The following HTR1F variants were observed in gnomAD, a reference collection of about 807,000 sequenced individuals.
HTR1F encodes 5-hydroxytryptamine (serotonin) receptor 1F, G protein-coupled.
Under a neutral mutation model 24.0 loss-of-function variants are expected in HTR1F, and 17 were observed. The observed-to-expected ratio is 0.71, with a 90% CI of 0.48 to 1.06. The LOEUF (loss-of-function observed/expected upper bound fraction) is 1.06. Ranked by LOEUF, HTR1F falls within the 50% of genes least tolerant of loss-of-function variation. The pLI, the probability that HTR1F is intolerant of heterozygous loss-of-function variation, is 0.00. For synonymous variants in HTR1F, 186 were observed against 156.8 expected, an observed-to-expected ratio of 1.19 and a Z score of -1.39; for missense variants, 391 against 427.8, an observed-to-expected ratio of 0.91 and a Z score of 0.76.
At chr3:87,971,105 C>T (rs759559598) in intron 2 of HTR1F, among the ~76,000 whole-genome samples, 4 of 152,202 alleles carry the variant, frequency 2.6e-5, no homozygotes, top group African/African-American at 7.2e-5. Flanking sequence ...CTACCAACAC[C>T]TTAACACATA....
At chr3:87,815,837 C>T (rs1704240604) in intron 1 of HTR1F, among the ~76,000 whole-genome samples, 1 of 152,050 alleles carries the variant, frequency 6.6e-6, no homozygotes, top group African/African-American at 2.4e-5. Context: ...AAAAGTGACA[C>T]CCAGCTCCCA....
At chr3:87,890,575 T>C (rs1706057630) in intron 2 of HTR1F, among the ~76,000 whole-genome samples, 1 of 151,058 alleles carries the variant, frequency 6.6e-6, no homozygotes, top group East Asian at 1.9e-4. Flanking sequence ...GGGCTAGATT[T>C]AGAATAGAGT....
chr3:87,811,540 T>C (rs929714355), intron 1 of HTR1F, among the ~76,000 whole-genome samples: 3 of 152,148 alleles, frequency 2.0e-5, no homozygotes, highest in African/African-American at 7.2e-5. Context: ...AGTATTAATG[T>C]TAAAATTATG....
At chr3:87,933,035 A>C (rs1183389819) in intron 2 of HTR1F, among the ~76,000 whole-genome samples, 1 of 149,210 alleles carries the variant, frequency 6.7e-6, no homozygotes, top group African/African-American at 2.5e-5. Context: ...CCTGGGATGC[A>C]AGGCTGGTTC....
chr3:87,931,021 C>CT (rs1194767648), intron 2 of HTR1F, among the ~76,000 whole-genome samples: 2 of 85,076 alleles, frequency 2.4e-5, no homozygotes, highest in Non-Finnish European at 4.9e-5. Flanking sequence ...GTGCCATAGT[C>CT]TTTCCTTTTT....
At chr3:87,972,190 A>C (rs1426514578) in intron 2 of HTR1F, among the ~76,000 whole-genome samples, 1 of 152,212 alleles carries the variant, frequency 6.6e-6, no homozygotes, top group Non-Finnish European at 1.5e-5. Flanking sequence ...ACATATAATA[A>C]ATTATAAATG....
intron 2 of HTR1F, among the ~76,000 whole-genome samples, chr3:87,915,715 C>A (rs1348002074): frequency 3.3e-5 from 5 of 151,916 alleles, no homozygotes; most frequent in South Asian, 2.1e-4. Flanking sequence ...TTATGTTAAA[C>A]AATCAAACCT....
intron 2 of HTR1F, among the ~76,000 whole-genome samples, chr3:87,884,084 CA>C (rs1705877291): frequency 2.0e-5 from 3 of 152,070 alleles, no homozygotes; most frequent in Admixed American, 2.0e-4. Context: ...ATGTTAAGGG[CA>C]GCCAGAAAGA....
chr3:87,914,474 G>T (rs141782795), intron 2 of HTR1F, among the ~76,000 whole-genome samples: 1 of 152,014 alleles, frequency 6.6e-6, no homozygotes, highest in Non-Finnish European at 1.5e-5. Flanking sequence ...GCTCACACAC[G>T]GCCCAGAAAC....
At chr3:87,884,778 A>G (rs1705896562) in intron 2 of HTR1F, among the ~76,000 whole-genome samples, 1 of 152,188 alleles carries the variant, frequency 6.6e-6, no homozygotes, top group Admixed American at 6.5e-5. Flanking sequence ...TAAAGGGATC[A>G]ATTCAACAAG....
chr3:87,814,355 C>CATAT (rs1037053574), intron 1 of HTR1F, among the ~76,000 whole-genome samples: 1 of 152,044 alleles, frequency 6.6e-6, no homozygotes, highest in African/African-American at 2.4e-5. Flanking sequence ...AGCTAATTAA[C>CATAT]ATATGTATTA....
chr3:87,810,452 T>C (rs1704141603), intron 1 of HTR1F, among the ~76,000 whole-genome samples: 1 of 152,184 alleles, frequency 6.6e-6, no homozygotes, highest in Non-Finnish European at 1.5e-5. Flanking sequence ...GGCCTAGAAA[T>C]GACTTCCATT....
At chr3:87,814,294 A>T (rs984543209) in intron 1 of HTR1F, among the ~76,000 whole-genome samples, 42 of 152,308 alleles carry the variant, frequency 2.8e-4, no homozygotes, top group African/African-American at 8.7e-4. Flanking sequence ...AATTGTATAT[A>T]TATATGGTGT....
At chr3:87,836,236 C>A (rs1704680299) in intron 2 of HTR1F, among the ~76,000 whole-genome samples, 1 of 152,134 alleles carries the variant, frequency 6.6e-6, no homozygotes, top group African/African-American at 2.4e-5. Flanking sequence ...CTTTAGAGAT[C>A]TGAGGTTGTC....
At chr3:87,795,184 C>T (rs576400345) in intron 1 of HTR1F, among the ~76,000 whole-genome samples, 34 of 151,946 alleles carry the variant, frequency 2.2e-4, no homozygotes, top group South Asian at 6.3e-4. Context: ...CAAGGTTTCA[C>T]CATGTTGGCC....
chr3:87,952,602 G>C (rs764623273), intron 2 of HTR1F, among the ~76,000 whole-genome samples: 1 of 151,936 alleles, frequency 6.6e-6, no homozygotes, highest in East Asian at 1.9e-4. Flanking sequence ...ATATCTTCAC[G>C]TAGAAATTTA....
intron 1 of HTR1F, among the ~76,000 whole-genome samples, chr3:87,818,080 T>A (rs1704283983): frequency 6.6e-6 from 1 of 152,212 alleles, no homozygotes; most frequent in South Asian, 2.1e-4. Flanking sequence ...CTTTGGGGAT[T>A]CTGCACGTAC....
chr3:87,908,204 T>C (rs942218133), intron 2 of HTR1F, among the ~76,000 whole-genome samples: 11 of 151,990 alleles, frequency 7.2e-5, no homozygotes, highest in African/African-American at 2.4e-4. Flanking sequence ...TAATCTATCA[T>C]AAGAGATTCT....
intron 2 of HTR1F, among the ~76,000 whole-genome samples, chr3:87,904,971 G>A (rs571634534): frequency 2.6e-4 from 40 of 152,154 alleles, no homozygotes; most frequent in African/African-American, 9.4e-4. Context: ...GCTGTGCAGT[G>A]ATGAATTATG....
Sources: gnomAD v4.1 joint callset for allele counts (sites outside exome capture counted in the v4.1 genomes callset) on GRCh38, gnomAD v4.1.1 for gene constraint, MANE v1.5 for transcripts, NCBI Gene and HGNC (gene_info 2026-07-23, HGNC 2026-07-21) for gene names.